SLC35F4: variants seen among roughly 807,000 people sequenced by gnomAD.
SLC35F4 encodes chromosome 14 open reading frame 36.
In SLC35F4, 24 loss-of-function variants were observed where a neutral mutation model predicts 44.2. That is an observed-to-expected ratio of 0.54 (90% CI 0.39 to 0.76). The LOEUF is 0.76. Among genes scored for constraint, SLC35F4 ranks in the 30% least tolerant of loss-of-function variants. The pLI is 0.00. For synonymous variants in SLC35F4, 238 were observed against 223.6 expected (o/e 1.06, Z -0.57); for missense variants, 562 against 586.1 (o/e 0.96, Z 0.42).
rs185284729 is a variant in SLC35F4 at position 57,657,514 on chromosome 14, G to T, written c.104-63390C>A. ...TACCACCTCACAGTAAACGTTGCTA[G>T]AAAGACTGTCACAATACCATGCATG... On this transcript the variant is annotated intron_variant, in intron 1 of 7. Transcript: ENST00000556826. Among the ~76,000 whole-genome samples, 129 of 152,234 alleles carry T rather than the reference G, an allele frequency of 8.5e-4. No individual in the cohort carries two copies. In the South Asian group the frequency reaches 0.018, roughly 21 times the overall value.
chr14:57,675,995 C>G (rs1356907635), intron 1 of SLC35F4, among the ~76,000 whole-genome samples: 4 of 151,914 alleles, frequency 2.6e-5, no homozygotes, highest in Non-Finnish European at 5.9e-5. Flanking sequence ...CTAAAACGCT[C>G]AGCAAAGGAA....
intron 1 of SLC35F4, among the ~76,000 whole-genome samples, chr14:57,768,463 G>A (rs1457620405): frequency 6.6e-6 from 1 of 152,208 alleles, no homozygotes; most frequent in East Asian, 1.9e-4. Flanking sequence ...AGAAGAGTAA[G>A]CAGCAAAATA....
intron 1 of SLC35F4, among the ~76,000 whole-genome samples, chr14:57,888,769 C>A (rs1715934740): frequency 5.9e-5 from 9 of 152,196 alleles, no homozygotes; most frequent in Admixed American, 5.9e-4. Context: ...TATTCATCAA[C>A]TACTATATAG....
chr14:57,957,707 A>G (rs1252529379), intron 1 of SLC35F4, among the ~76,000 whole-genome samples: 2 of 152,176 alleles, frequency 1.3e-5, no homozygotes, highest in African/African-American at 4.8e-5. Flanking sequence ...GGGTAGTGCA[A>G]GAAGCTCCGG....
At chr14:57,663,208 G>T (rs2074194516) in intron 1 of SLC35F4, among the ~76,000 whole-genome samples, 1 of 152,132 alleles carries the variant, frequency 6.6e-6, no homozygotes, top group South Asian at 2.1e-4. Context: ...TTACCGTATA[G>T]ATGTAGAATA....
At chr14:57,690,965 G>A (rs964430) in intron 1 of SLC35F4, among the ~76,000 whole-genome samples, 94,556 of 151,508 alleles carry the variant, frequency 0.62, 29,706 homozygotes, top group African/African-American at 0.7. Context: ...GTATTGGTAC[G>A]TAACAGTCTA....
chr14:57,794,883 G>A (rs1006521168), intron 1 of SLC35F4, among the ~76,000 whole-genome samples: 1 of 152,116 alleles, frequency 6.6e-6, no homozygotes, highest in Non-Finnish European at 1.5e-5. Context: ...ACTATTATAT[G>A]TACTGGTTTT....
intron 1 of SLC35F4, among the ~76,000 whole-genome samples, chr14:57,713,004 T>C (rs933815724): frequency 1.3e-5 from 2 of 152,032 alleles, no homozygotes; most frequent in African/African-American, 4.8e-5. Flanking sequence ...ATTTTATAAG[T>C]CATCTAAGTC....
intron 1 of SLC35F4, among the ~76,000 whole-genome samples, chr14:57,912,341 C>T (rs182435992): frequency 6.1e-4 from 92 of 151,862 alleles, no homozygotes; most frequent in African/African-American, 1.9e-3. Context: ...AAGGTAGAAA[C>T]GTAGATTATT....
intron 1 of SLC35F4, among the ~76,000 whole-genome samples, chr14:57,708,064 C>G (rs138553426): frequency 1.6e-4 from 24 of 152,314 alleles, no homozygotes; most frequent in African/African-American, 5.8e-4. Flanking sequence ...CGTGTAGCCT[C>G]TGGCTCCAAG....
At chr14:57,899,795 T>C (rs1363518624) in intron 1 of SLC35F4, among the ~76,000 whole-genome samples, 1 of 152,104 alleles carries the variant, frequency 6.6e-6, no homozygotes. Flanking sequence ...GGGTTCGTGG[T>C]CTCTCTGACT....
intron 1 of SLC35F4, among the ~76,000 whole-genome samples, chr14:57,890,272 G>A (rs922244121): frequency 3.3e-5 from 5 of 152,154 alleles, no homozygotes; most frequent in African/African-American, 1.2e-4. Flanking sequence ...GGTGACCAAA[G>A]GCCCAGCCAA....
intron 1 of SLC35F4, among the ~76,000 whole-genome samples, chr14:57,857,095 G>A (rs1459701500): frequency 6.6e-6 from 1 of 151,990 alleles, no homozygotes. Context: ...GGCCAACATG[G>A]TGAAACCCCA....
chr14:57,948,939 T>C (rs1890085219), intron 1 of SLC35F4, among the ~76,000 whole-genome samples: 3 of 152,134 alleles, frequency 2.0e-5, no homozygotes, highest in South Asian at 4.1e-4. Context: ...TTTTGAGACT[T>C]GTTTTGTGGC....
chr14:57,672,611 T>G (rs1032915217), intron 1 of SLC35F4, among the ~76,000 whole-genome samples: 1 of 152,130 alleles, frequency 6.6e-6, no homozygotes, highest in East Asian at 1.9e-4. Flanking sequence ...AAGTGAAAGC[T>G]CTTTCTAGTA....
At chr14:57,924,535 G>A (rs1347944278) in intron 1 of SLC35F4, among the ~76,000 whole-genome samples, 16 of 151,522 alleles carry the variant, frequency 1.1e-4, no homozygotes, top group Admixed American at 2.6e-4. Flanking sequence ...TGCAAGCTCC[G>A]CCTCCTGGGT....
At chr14:57,649,353 C>A (rs548538795) in intron 1 of SLC35F4, among the ~76,000 whole-genome samples, 1 of 152,052 alleles carries the variant, frequency 6.6e-6, no homozygotes, top group Non-Finnish European at 1.5e-5. Flanking sequence ...GGGGAGAACA[C>A]TTTCTTTGCT....
At chr14:57,937,272 CG>C (rs1164283096) in intron 1 of SLC35F4, among the ~76,000 whole-genome samples, 1 of 151,974 alleles carries the variant, frequency 6.6e-6, no homozygotes, top group Non-Finnish European at 1.5e-5. Context: ...TTCTCAATGT[CG>C]GTCAGGCTGG....
At chr14:57,905,047 G>T (rs1235893487) in intron 1 of SLC35F4, among the ~76,000 whole-genome samples, 1 of 152,174 alleles carries the variant, frequency 6.6e-6, no homozygotes, top group Non-Finnish European at 1.5e-5. Flanking sequence ...TGTTATGTGG[G>T]TCAAAAATTT....
Sources: allele counts gnomAD v4.1 joint callset (sites outside exome capture counted in the v4.1 genomes callset), GRCh38; gene constraint gnomAD v4.1.1; transcripts MANE v1.5; gene names NCBI Gene and HGNC (gene_info 2026-07-23, HGNC 2026-07-21).